Variants in ZBBX observed in about 807,000 individuals in gnomAD.
The protein encoded by ZBBX is zinc finger B-box domain containing.
ZBBX carries 101 observed loss-of-function variants against 108.5 expected under a neutral mutation model. That is an observed-to-expected ratio of 0.93 (90% CI 0.79 to 1.10). ZBBX has a LOEUF of 1.10. ZBBX is among the 50% of genes least tolerant of loss of function. The probability of loss-of-function intolerance (pLI) is 0.00; values close to 1 mark genes in which losing one functional copy is unlikely to be tolerated. For synonymous variants in ZBBX, 356 were observed against 323.4 expected (o/e 1.10, Z -1.08); for missense variants, 1,009 against 941.4 (o/e 1.07, Z -0.94).
intron 9 of ZBBX, among the ~76,000 whole-genome samples, chr3:167,344,450 C>T (rs35201865): frequency 0.35 from 52,829 of 151,304 alleles, 9,898 homozygotes; most frequent in Non-Finnish European, 0.43. Flanking sequence ...TTTGGCTATC[C>T]CAACATTCTA....
intron 7 of ZBBX, 121 bp downstream of exon 7, chr3:167,360,554 T>G: frequency 2.0e-6 from 1 of 491,956 alleles, no homozygotes; most frequent in Non-Finnish European, 3.3e-6. Context: ...TGTGTCATGA[T>G]TTGGGGGTTT....
intron 14 of ZBBX, among the ~76,000 whole-genome samples, chr3:167,316,152 C>T (rs1384587649): frequency 1.3e-5 from 2 of 152,058 alleles, no homozygotes; most frequent in Non-Finnish European, 2.9e-5. Flanking sequence ...TAAACTTACG[C>T]TGTGTATCAA....
the ZBBX span, among the ~76,000 whole-genome samples, chr3:167,198,864 C>T: frequency 6.6e-6 from 1 of 152,116 alleles, no homozygotes; most frequent in East Asian, 1.9e-4. Context: ...GTCTTTAATT[C>T]AGTTTAAAAA....
intron 10 of ZBBX, among the ~76,000 whole-genome samples, chr3:167,330,985 G>T (rs934106823): frequency 3.7e-5 from 1 of 26,928 alleles, no homozygotes; most frequent in African/African-American, 1.1e-4. Flanking sequence ...CCTTCTGTAT[G>T]CATGTGCATA....
intron 8 of ZBBX, among the ~76,000 whole-genome samples, chr3:167,359,237 T>C (rs1744120446): frequency 6.6e-6 from 1 of 152,156 alleles, no homozygotes. Context: ...CAAGAACAGA[T>C]ATCACTAAAT....
At chr3:167,344,843 A>T (rs1741167469) in intron 9 of ZBBX, among the ~76,000 whole-genome samples, 1 of 151,764 alleles carries the variant, frequency 6.6e-6, no homozygotes, top group Non-Finnish European at 1.5e-5. Flanking sequence ...CCTTGTTTAG[A>T]TGTAATTTGC....
At chr3:167,394,740 T>G (rs1033174429) in intron 1 of ZBBX, among the ~76,000 whole-genome samples, 3 of 152,046 alleles carry the variant, frequency 2.0e-5, no homozygotes, top group African/African-American at 7.2e-5. Flanking sequence ...GGTTTATTCC[T>G]GCATGCAGAA....
At chr3:167,254,866 T>C (rs1405997077) in intron 20 of ZBBX, among the ~76,000 whole-genome samples, 1 of 61,672 alleles carries the variant, frequency 1.6e-5, no homozygotes, top group East Asian at 6.1e-4. Context: ...GAAAGAAGCC[T>C]GTCACATGTG....
downstream of ZBBX, among the ~76,000 whole-genome samples, chr3:167,238,640 T>A (rs750758830): frequency 1.3e-5 from 2 of 152,074 alleles, no homozygotes; most frequent in Non-Finnish European, 2.9e-5. Context: ...TCTGGAGTCA[T>A]GGCTACATTG....
At chr3:167,271,305 A>C (rs749379764) in intron 20 of ZBBX, among the ~76,000 whole-genome samples, 34 of 152,320 alleles carry the variant, frequency 2.2e-4, no homozygotes, top group Non-Finnish European at 4.9e-4. Flanking sequence ...GCTATTGTTC[A>C]TGTTTCCAGA....
the ZBBX span, among the ~76,000 whole-genome samples, chr3:167,214,941 T>C: frequency 6.6e-6 from 1 of 152,074 alleles, no homozygotes; most frequent in Non-Finnish European, 1.5e-5. Context: ...TCAAAAATAA[T>C]GAGAACAAAA....
chr3:167,306,401 G>C (rs1376869035), intron 16 of ZBBX, among the ~76,000 whole-genome samples: 4 of 152,160 alleles, frequency 2.6e-5, no homozygotes, highest in African/African-American at 9.7e-5. Flanking sequence ...TGAAAGAAGA[G>C]CAGCAGTTGG....
At chr3:167,333,023 A>G (rs1738914947) in intron 10 of ZBBX, among the ~76,000 whole-genome samples, 1 of 152,070 alleles carries the variant, frequency 6.6e-6, no homozygotes, top group Non-Finnish European at 1.5e-5. Context: ...TCTATTAGAA[A>G]GCGAAATCCA....
intron 16 of ZBBX, among the ~76,000 whole-genome samples, chr3:167,308,781 A>G (rs1356605764): frequency 6.6e-6 from 1 of 152,202 alleles, no homozygotes; most frequent in African/African-American, 2.4e-5. Context: ...GGGGAACAAC[A>G]CACACTGGGG....
At chr3:167,336,492 T>C (rs1739575539) in intron 9 of ZBBX, among the ~76,000 whole-genome samples, 1 of 152,110 alleles carries the variant, frequency 6.6e-6, no homozygotes, top group Non-Finnish European at 1.5e-5. Context: ...AGAACAATCA[T>C]ACAAAGAAAG....
Position 167,303,122 on chromosome 3 carries a change from TAACTA to T in ZBBX, c.1725+2516_1725+2520del, listed in dbSNP as rs1231126036. Among the ~76,000 whole-genome samples the T allele has an allele frequency of 7.9e-5, 12 of 152,294 alleles. No homozygotes were observed. The East Asian group carries it at 1.7e-3, about 22-fold the overall frequency. Reference sequence around the variant, plus strand: ...CAAGAGGAATTGTACACCCAATACTTAACTATACTATTTTTCCTTTGATGCATTTA... The same window carrying T: ...CAAGAGGAATTGTACACCCAATACTTTACTATTTTTCCTTTGATGCATTTA... On this transcript the variant is annotated intron_variant, in intron 17 of 21. Transcript: ENST00000675490.
intron 20 of ZBBX, among the ~76,000 whole-genome samples, chr3:167,277,926 G>C (rs200988745): frequency 2.8e-3 from 382 of 135,920 alleles, no homozygotes; most frequent in African/African-American, 4.5e-3. Context: ...AATGAAACTA[G>C]AACTCAGGAT....
Position 167,364,997 on chromosome 3 carries a change from C to T in ZBBX, c.273+889G>A, listed in dbSNP as rs73879687. 6.6e-5 allele frequency among the ~76,000 whole-genome samples: 10 copies of T among 151,632 alleles called. 1 individual carries two copies. The highest frequency in any genetic ancestry group is 5.9e-4 in the Admixed American group (9 of 15,186). On this transcript the variant is annotated intron_variant, in intron 6 of 21. Coordinates refer to ENST00000675490, the MANE Select transcript of ZBBX (RefSeq NM_001199201.2). ...TTTTTCTTTATATATGTTTTCCTAC[C>T]CTTTTAATTCAGCCTCCTTTCATCT... is the stretch of plus-strand genomic sequence containing the variant.
chr3:167,263,369 T>C (rs1560041037), intron 20 of ZBBX, among the ~76,000 whole-genome samples: 1 of 152,346 alleles, frequency 6.6e-6, no homozygotes, highest in Non-Finnish European at 1.5e-5. Flanking sequence ...CACATATTGC[T>C]ACAATTTCTC....
Sources: allele counts gnomAD v4.1 joint callset (sites outside exome capture counted in the v4.1 genomes callset), GRCh38; gene constraint gnomAD v4.1.1; transcripts MANE v1.5; gene names NCBI Gene and HGNC (gene_info 2026-07-23, HGNC 2026-07-21).